The following IQGAP2 variants were observed in gnomAD, a reference collection of about 807,000 sequenced individuals.
IQGAP2 encodes the protein ras GTPase-activating-like protein IQGAP2.
IQGAP2 carries 173 observed loss-of-function variants against 201.3 expected under a neutral mutation model. The ratio of observed to expected loss-of-function variants is 0.86; its 90% confidence interval spans 0.76 to 0.98. The LOEUF (loss-of-function observed/expected upper bound fraction) is 0.98. IQGAP2 is among the 50% of genes least tolerant of loss of function. The pLI is 0.00. For synonymous variants in IQGAP2, 675 were observed against 673.9 expected, an observed-to-expected ratio of 1.00 and a Z score of -0.03; for missense variants, 1,687 against 1,864.8, an observed-to-expected ratio of 0.90 and a Z score of 1.76.
At chr5:76,689,630 T>C (rs994579805) in intron 30 of IQGAP2, among the ~76,000 whole-genome samples, 2 of 152,198 alleles carry the variant, frequency 1.3e-5, no homozygotes, top group African/African-American at 4.8e-5. Flanking sequence ...TGTCATCTCT[T>C]AAGAATTTCC....
intron 1 of IQGAP2, among the ~76,000 whole-genome samples, chr5:76,425,830 A>C (rs188710554): frequency 2.6e-5 from 4 of 152,276 alleles, no homozygotes; most frequent in Non-Finnish European, 4.4e-5. Context: ...GAGCTCCATA[A>C]CACCACTGTG....
At chr5:76,631,320 T>A (rs968981835) in intron 14 of IQGAP2, among the ~76,000 whole-genome samples, 7 of 152,128 alleles carry the variant, frequency 4.6e-5, no homozygotes, top group African/African-American at 1.7e-4. Flanking sequence ...TCTAAAATGG[T>A]TCCAGAATTA....
At chr5:76,522,759 A>C (rs2150196785) in intron 2 of IQGAP2, among the ~76,000 whole-genome samples, 1 of 152,326 alleles carries the variant, frequency 6.6e-6, no homozygotes, top group African/African-American at 2.4e-5. Flanking sequence ...ATCAATCATT[A>C]ACCAAGGAAA....
At chr5:76,439,798 C>T (rs1032282482) in intron 1 of IQGAP2, among the ~76,000 whole-genome samples, 2 of 151,994 alleles carry the variant, frequency 1.3e-5, no homozygotes, top group South Asian at 2.1e-4. Context: ...TTGTTTTAAT[C>T]CATTTTGCCA....
At chr5:76,524,214 G>T (rs1268465770) in intron 2 of IQGAP2, among the ~76,000 whole-genome samples, 1 of 152,198 alleles carries the variant, frequency 6.6e-6, no homozygotes, top group Non-Finnish European at 1.5e-5. Flanking sequence ...AGCCTTTGGT[G>T]TTGAATGAAG....
At chr5:76,505,007 C>A (rs561392778) in intron 2 of IQGAP2, among the ~76,000 whole-genome samples, 1 of 152,300 alleles carries the variant, frequency 6.6e-6, no homozygotes, top group East Asian at 1.9e-4. Flanking sequence ...GCCCACCATC[C>A]TCCTGATTTC....
At chr5:76,668,445 A>C (rs761352490) in intron 22 of IQGAP2, among the ~76,000 whole-genome samples, 119 of 151,660 alleles carry the variant, frequency 7.8e-4, no homozygotes, top group Non-Finnish European at 7.8e-4. Flanking sequence ...AAGCTAAAGT[A>C]GAAAGTTATA....
chr5:76,688,053 T>A (rs1253885788), intron 30 of IQGAP2, among the ~76,000 whole-genome samples: 1 of 152,136 alleles, frequency 6.6e-6, no homozygotes, highest in Non-Finnish European at 1.5e-5. Context: ...CTTTTTTGAT[T>A]TGAACACTCT....
At chr5:76,558,081 A>G (rs1004289645) in intron 2 of IQGAP2, among the ~76,000 whole-genome samples, 7 of 152,212 alleles carry the variant, frequency 4.6e-5, no homozygotes, top group Non-Finnish European at 8.8e-5. Context: ...TTGGGATTAC[A>G]GGCATGAGCC....
At chr5:76,446,806 A>G (rs1753417145) in intron 1 of IQGAP2, among the ~76,000 whole-genome samples, 1 of 152,240 alleles carries the variant, frequency 6.6e-6, no homozygotes, top group African/African-American at 2.4e-5. Context: ...TTATGAACAG[A>G]CTTAGCATAT....
At chr5:76,484,077 T>C (rs1305335152) in intron 2 of IQGAP2, among the ~76,000 whole-genome samples, 1 of 151,544 alleles carries the variant, frequency 6.6e-6, no homozygotes, top group East Asian at 1.9e-4. Flanking sequence ...TTTTTTTTCC[T>C]GTCCAGCAGG....
intron 2 of IQGAP2, among the ~76,000 whole-genome samples, chr5:76,497,670 C>T (rs1240740351): frequency 6.6e-6 from 1 of 152,188 alleles, no homozygotes; most frequent in African/African-American, 2.4e-5. Flanking sequence ...AGTCAGCTCT[C>T]CTCTGTATGG....
intron 1 of IQGAP2, among the ~76,000 whole-genome samples, chr5:76,440,978 C>G (rs1752995309): frequency 6.6e-6 from 1 of 151,216 alleles, no homozygotes; most frequent in Non-Finnish European, 1.5e-5. Context: ...TTGCAGTGAG[C>G]CGAGTTCGTA....
intron 9 of IQGAP2, among the ~76,000 whole-genome samples, chr5:76,596,457 A>G (rs1246128303): frequency 6.6e-6 from 1 of 152,226 alleles, no homozygotes; most frequent in Admixed American, 6.5e-5. Flanking sequence ...TTTGGTAACC[A>G]AAATTCATTT....
chr5:76,519,346 G>A lies in IQGAP2; in HGVS notation c.147-43050G>A, dbSNP rs78954346. Among the ~76,000 whole-genome samples the A allele has an allele frequency of 3.8e-3, 577 of 152,242 alleles. 1 individual carries two copies. The highest frequency in any genetic ancestry group is 0.013 in the African/African-American group (542 of 41,552). ...TTAAGACTGGCAGCCTTTATTCAACGTAGTGCATTTGAGATTTATCCATGT... is the reference window on the plus strand; with the variant it reads ...TTAAGACTGGCAGCCTTTATTCAACATAGTGCATTTGAGATTTATCCATGT... On this transcript the variant is annotated intron_variant, in intron 2 of 35. Transcript: ENST00000274364.
In IQGAP2 at chr5:76,671,692, A is replaced by G. The variant is rs1040560789; in HGVS notation, c.2844-67A>G. On this transcript the variant is annotated intron_variant, in intron 23 of 35. Coordinates refer to ENST00000274364, the MANE Select transcript of IQGAP2 (RefSeq NM_006633.5). ...GACAGAGCAAGACTGTCTCGGGGAAAAAAAAAAAAAAAAAAAATCTGTATC... is the reference window on the plus strand; with the variant it reads ...GACAGAGCAAGACTGTCTCGGGGAAGAAAAAAAAAAAAAAAAATCTGTATC... 1,590 of 586,770 alleles carry G rather than the reference A, an allele frequency of 2.7e-3. 2 individuals carry two copies. Among genetic ancestry groups the G allele is most frequent in the Middle Eastern group, 6.1e-3 (11 of 1,796 alleles). 36.3% of individuals were successfully genotyped at this position (586,770 alleles called of 1,614,324 possible).
rs185143869 is a variant in IQGAP2 at position 76,646,361 on chromosome 5, G to A, written c.2094+5258G>A. On this transcript the variant is annotated intron_variant, in intron 17 of 35. Transcript: ENST00000274364. ...AATTAATTTAAAATTTTTTATTTTG[G>A]TTATTTACATTTTTATCATTTAATG... is the stretch of plus-strand genomic sequence containing the variant. Among the ~76,000 whole-genome samples, 547 of 152,240 alleles carry A rather than the reference G, an allele frequency of 3.6e-3. 5 individuals carry two copies. Among genetic ancestry groups the A allele is most frequent in the South Asian group, 0.015 (70 of 4,818 alleles).
At chr5:76,702,225 C>T (rs773372977) in intron 34 of IQGAP2, among the ~76,000 whole-genome samples, 19 of 152,126 alleles carry the variant, frequency 1.2e-4, no homozygotes, top group Admixed American at 1.2e-3. Flanking sequence ...GAGCAAGGAC[C>T]GTATCTTCTA....
intron 17 of IQGAP2, among the ~76,000 whole-genome samples, chr5:76,647,853 ACG>A (rs1752187275): frequency 6.7e-6 from 1 of 149,942 alleles, no homozygotes; most frequent in African/African-American, 2.5e-5. Context: ...ACACACACAA[ACG>A]AAAAAAACTG....
Sources: gnomAD v4.1 joint callset for allele counts (sites outside exome capture counted in the v4.1 genomes callset) on GRCh38, gnomAD v4.1.1 for gene constraint, MANE v1.5 for transcripts, NCBI Gene and HGNC (gene_info 2026-07-23, HGNC 2026-07-21) for gene names.